The following EML4 variants were observed in gnomAD, a reference collection of about 807,000 sequenced individuals.
EML4 encodes echinoderm microtubule-associated protein-like 4.
EML4 carries 72 observed loss-of-function variants against 129.0 expected under a neutral mutation model. The ratio of observed to expected loss-of-function variants is 0.56; its 90% confidence interval spans 0.46 to 0.68. EML4 has a LOEUF of 0.68. Among genes scored for constraint, EML4 ranks in the 30% least tolerant of loss-of-function variants. The probability of loss-of-function intolerance (pLI) is 0.00; values close to 1 mark genes in which losing one functional copy is unlikely to be tolerated. For synonymous variants in EML4, 532 were observed against 405.0 expected (o/e 1.31, Z -3.77); for missense variants, 1,363 against 1,190.6 (o/e 1.14, Z -2.13).
intron 8 of EML4, among the ~76,000 whole-genome samples, chr2:42,283,241 C>G (rs1397918423): frequency 1.3e-5 from 2 of 152,192 alleles, no homozygotes; most frequent in East Asian, 3.8e-4. Context: ...CTTCTCTTCT[C>G]TGGTCTGTAG....
intron 1 of EML4, among the ~76,000 whole-genome samples, chr2:42,222,731 T>G (rs1431982593): frequency 6.6e-6 from 1 of 152,188 alleles, no homozygotes; most frequent in Non-Finnish European, 1.5e-5. Flanking sequence ...AAAATATATA[T>G]CCATTGATCA....
chr2:42,236,987 A>G (rs1228582156), intron 1 of EML4, among the ~76,000 whole-genome samples: 1 of 152,166 alleles, frequency 6.6e-6, no homozygotes, highest in Admixed American at 6.5e-5. Flanking sequence ...AAGACTGGCA[A>G]AACCTTTGAC....
chr2:42,245,897 C>T (rs1167483639), intron 2 of EML4, among the ~76,000 whole-genome samples: 2 of 151,832 alleles, frequency 1.3e-5, no homozygotes, highest in Admixed American at 1.3e-4. Context: ...TGATTATACT[C>T]ACAGGTTTTT....
chr2:42,248,739 T>C (rs17029385), intron 2 of EML4, among the ~76,000 whole-genome samples: 24,915 of 152,118 alleles, frequency 0.16, 2,380 homozygotes, highest in South Asian at 0.3. Flanking sequence ...CTTTGCTATT[T>C]TATAATATGC....
At chr2:42,213,043 CATA>C (rs1458093400) in intron 1 of EML4, among the ~76,000 whole-genome samples, 1 of 152,124 alleles carries the variant, frequency 6.6e-6, no homozygotes, top group African/African-American at 2.4e-5. Flanking sequence ...ATTAGTGTAA[CATA>C]GTATCAATAA....
At chr2:42,170,846 G>A (rs1200171442) in intron 1 of EML4, among the ~76,000 whole-genome samples, 2 of 152,202 alleles carry the variant, frequency 1.3e-5, no homozygotes, top group Non-Finnish European at 2.9e-5. Context: ...GCCATAGGCC[G>A]TACTATATCC....
intron 6 of EML4, among the ~76,000 whole-genome samples, chr2:42,269,375 T>C (rs565741261): frequency 1.3e-5 from 2 of 152,230 alleles, no homozygotes; most frequent in African/African-American, 2.4e-5. Flanking sequence ...TTATCAGATA[T>C]ACATTTTATA....
chr2:42,304,636 A>G (rs1029010516), intron 17 of EML4, 85 bp downstream of exon 17: 7 of 1,016,896 alleles, frequency 6.9e-6, no homozygotes, highest in Non-Finnish European at 1.1e-5. Flanking sequence ...GATCTGGAGA[A>G]TTAATCTCTT....
chr2:42,235,476 C>T (rs1171660429), intron 1 of EML4, among the ~76,000 whole-genome samples: 1 of 152,002 alleles, frequency 6.6e-6, no homozygotes, highest in Non-Finnish European at 1.5e-5. Flanking sequence ...ACAAACAAAA[C>T]AAAAACACTA....
At chr2:42,209,623 T>A (rs1447280643) in intron 1 of EML4, among the ~76,000 whole-genome samples, 2 of 152,190 alleles carry the variant, frequency 1.3e-5, no homozygotes, top group African/African-American at 2.4e-5. Flanking sequence ...TTATTTAAAA[T>A]GACTTTTAAA....
rs77579563 is a variant in EML4, at chr2:42,265,675, A to AAGCCTTT, written c.667+944_667+945insAGCCTTT. Among the ~76,000 whole-genome samples, 716 of 151,886 alleles carry AAGCCTTT rather than the reference A, an allele frequency of 4.7e-3. 2 individuals are homozygous for AAGCCTTT. Among genetic ancestry groups the AAGCCTTT allele is most frequent in the Middle Eastern group, 0.017 (5 of 294 alleles). On this transcript the variant is annotated intron_variant, in intron 6 of 22. Transcript: ENST00000318522. Reference sequence around the variant, plus strand: ...CCTTAAAAAAAAGTTTTACCTAGAAATAAACGATTGATAAATTTTAACTCA... The same window carrying AAGCCTTT: ...CCTTAAAAAAAAGTTTTACCTAGAAAAGCCTTTTAAACGATTGATAAATTTTAACTCA...
intron 6 of EML4, among the ~76,000 whole-genome samples, chr2:42,265,999 T>A (rs1276908010): frequency 6.6e-6 from 1 of 152,274 alleles, no homozygotes; most frequent in African/African-American, 2.4e-5. Flanking sequence ...ACGTCCTTTC[T>A]GTGCATGGTT....
chr2:42,234,163 A>G (rs1046616685), intron 1 of EML4, among the ~76,000 whole-genome samples: 9 of 152,286 alleles, frequency 5.9e-5, no homozygotes, highest in Admixed American at 5.9e-4. Context: ...AAAATAGAAC[A>G]CTTTCTTTAG....
At chr2:42,306,998 T>C (rs528173538) in intron 17 of EML4, among the ~76,000 whole-genome samples, 1 of 152,268 alleles carries the variant, frequency 6.6e-6, no homozygotes, top group East Asian at 1.9e-4. Flanking sequence ...ATTAGAAATA[T>C]TGTTAGGAAG....
chr2:42,269,790 A>T (rs898974872), intron 6 of EML4, among the ~76,000 whole-genome samples: 1 of 152,194 alleles, frequency 6.6e-6, no homozygotes, highest in Non-Finnish European at 1.5e-5. Flanking sequence ...TAGAGTACAT[A>T]CAATTTTGTA....
At chr2:42,293,258 A>C (rs1252650953) in intron 11 of EML4, among the ~76,000 whole-genome samples, 1 of 151,972 alleles carries the variant, frequency 6.6e-6, no homozygotes, top group African/African-American at 2.4e-5. Flanking sequence ...TACAGCGCGC[A>C]CCGCCACGCC....
At chr2:42,254,453 G>A (rs1208604799) in intron 2 of EML4, among the ~76,000 whole-genome samples, 5 of 143,746 alleles carry the variant, frequency 3.5e-5, no homozygotes, top group African/African-American at 1.4e-4. Flanking sequence ...GCAAGACTCT[G>A]TCTCAAAAAA....
At chr2:42,263,069 G>C in intron 4 of EML4, 109 bp from the exon 5 acceptor site, 1 of 894,488 alleles carries the variant, frequency 1.1e-6, no homozygotes, top group Admixed American at 2.9e-5. Flanking sequence ...CTCTTTTCTG[G>C]ATTAGCTTTA....
At chr2:42,203,627 T>A (rs888367277) in intron 1 of EML4, among the ~76,000 whole-genome samples, 11 of 140,204 alleles carry the variant, frequency 7.8e-5, no homozygotes, top group Non-Finnish European at 1.7e-4. Context: ...TTTTTCAGAC[T>A]TTATAGCCAC....
Sources: allele counts gnomAD v4.1 joint callset (sites outside exome capture counted in the v4.1 genomes callset), GRCh38; gene constraint gnomAD v4.1.1; transcripts MANE v1.5; gene names NCBI Gene and HGNC (gene_info 2026-07-23, HGNC 2026-07-21).